Variants in TJP2 observed in about 807,000 individuals in gnomAD.
TJP2 encodes the protein Friedreich ataxia region gene X104 (tight junction protein ZO-2).
Under a neutral mutation model 133.1 loss-of-function variants are expected in TJP2, and 91 were observed. The observed-to-expected ratio is 0.68, with a 90% CI of 0.58 to 0.81. The LOEUF is 0.81. TJP2 is among the 40% of genes least tolerant of loss of function. The pLI is 0.00. For missense variants in TJP2, 1,541 were observed against 1,565.6 expected (o/e 0.98, Z 0.26); for synonymous variants, 592 against 583.4 (o/e 1.01, Z -0.21).
chr9:69,214,879 AAC>A (rs1491068426), intron 2 of TJP2, among the ~76,000 whole-genome samples: 4 of 149,748 alleles, frequency 2.7e-5, no homozygotes, highest in South Asian at 2.1e-4. Flanking sequence ...AAAAAAAAAA[AAC>A]AAACAAATCC....
intron 1 of TJP2, among the ~76,000 whole-genome samples, chr9:69,150,355 G>GC (rs1823413562): frequency 6.8e-6 from 1 of 147,928 alleles, no homozygotes; most frequent in Non-Finnish European, 1.5e-5. Context: ...ATGCAGTGGT[G>GC]AGATCTCACC....
intron 1 of TJP2, among the ~76,000 whole-genome samples, chr9:69,124,164 G>A (rs1822251824): frequency 1.4e-5 from 1 of 73,804 alleles, no homozygotes; most frequent in African/African-American, 4.2e-5. Flanking sequence ...ACAGGCCTGA[G>A]CCACGGCGCC....
At chr9:69,171,920 T>G, upstream of TJP2, among the ~76,000 whole-genome samples, 1 of 149,396 alleles carries the variant, frequency 6.7e-6, no homozygotes, top group Middle Eastern at 3.3e-3. Flanking sequence ...CTCAGCCTCC[T>G]GAACAGCTGG....
chr9:69,219,446 A>G (rs1828642112), intron 4 of TJP2, among the ~76,000 whole-genome samples: 1 of 152,188 alleles, frequency 6.6e-6, no homozygotes, highest in African/African-American at 2.4e-5. Flanking sequence ...CATGCGAAGG[A>G]AAGTTACAGA....
intron 17 of TJP2, among the ~76,000 whole-genome samples, chr9:69,241,837 G>A (rs770328407): frequency 2.6e-5 from 4 of 152,114 alleles, no homozygotes; most frequent in Non-Finnish European, 5.9e-5. Context: ...GTCCCTAACT[G>A]TCCAATATTG....
Position 69,221,034 on chromosome 9 carries a change from C to G in TJP2, c.490C>G (p.His164Asp). 6.2e-6 allele frequency: 10 copies of G among 1,608,504 alleles called. No individual in the cohort carries two copies. The highest frequency in any genetic ancestry group is 7.6e-6 in the Non-Finnish European group (9 of 1,178,156). Reference sequence around the variant, plus strand: ...CAGCGAGAGGAGCCGGCTGAACAGCCATGGGGGGCGCAGCCGCAGCTGGGA... The same window carrying G: ...CAGCGAGAGGAGCCGGCTGAACAGCGATGGGGGGCGCAGCCGCAGCTGGGA... The part of the protein sequence containing the change: ...GYSERSRLNS[H>D]GGRSRSWEDS... The change falls in exon 5 of 23, where the codon CAT becomes GAT. Residue 164 changes from histidine to aspartate, a missense_variant. Coordinates refer to ENST00000377245, the MANE Select transcript of TJP2 (RefSeq NM_004817.4).
At chr9:69,137,047 G>A (rs1822762034) in intron 1 of TJP2, among the ~76,000 whole-genome samples, 1 of 152,182 alleles carries the variant, frequency 6.6e-6, no homozygotes, top group Non-Finnish European at 1.5e-5. Context: ...CTGCGTAGGA[G>A]CTGTGCGATC....
At chr9:69,123,191 T>G (rs1330570685) in intron 1 of TJP2, among the ~76,000 whole-genome samples, 1 of 152,094 alleles carries the variant, frequency 6.6e-6, no homozygotes, top group African/African-American at 2.4e-5. Context: ...TGAATCTTTG[T>G]TTTGCCCACC....
At chr9:69,140,150 AC>A (rs1304015005) in intron 1 of TJP2, among the ~76,000 whole-genome samples, 1 of 152,202 alleles carries the variant, frequency 6.6e-6, no homozygotes, top group Non-Finnish European at 1.5e-5. Flanking sequence ...GGAACACCAA[AC>A]CCAGTCTGGG....
At chr9:69,125,329 T>C (rs7037143) in intron 1 of TJP2, among the ~76,000 whole-genome samples, 32,323 of 48,134 alleles carry the variant, frequency 0.67, 14,917 homozygotes, top group East Asian at 1. Flanking sequence ...TTTTTTGAGA[T>C]AGAGTCTAAC....
chr9:69,192,017 C>T (rs1257374507), intron 1 of TJP2, among the ~76,000 whole-genome samples: 1 of 152,020 alleles, frequency 6.6e-6, no homozygotes, highest in East Asian at 1.9e-4. Flanking sequence ...GGATTACAGG[C>T]GTGAGCCACC....
At position 69,251,090 on chromosome 9, in the gene TJP2, A is replaced by G; in HGVS notation, c.3047A>G (p.Lys1016Arg). The G allele has an allele frequency of 1.2e-6, 2 of 1,614,250 alleles. No homozygotes were observed. The highest frequency in any genetic ancestry group is 8.5e-7 in the Non-Finnish European group (1 of 1,180,048). Residue 1016 changes from lysine (K) to arginine (R), a missense_variant, in exon 21 of 23, where the codon AAG (lysine) becomes AGG (arginine). Coordinates refer to ENST00000377245, the MANE Select transcript of TJP2 (RefSeq NM_004817.4). Reference sequence around the variant, plus strand: ...GACTTCTCCAAATCCTATGAATATAAGTCAAACCCCTCTGCCGTTGCTGGT... The same window carrying G: ...GACTTCTCCAAATCCTATGAATATAGGTCAAACCCCTCTGCCGTTGCTGGT... ...SYDFSKSYEY[K>R]SNPSAVAGNE...
rs778216116 is a variant in TJP2, at chr9:69,236,009, C to T, written c.1781-19C>T. 2.4e-5 allele frequency: 39 copies of T among 1,611,128 alleles called. No individual in the cohort carries two copies. Among genetic ancestry groups the T allele is most frequent in the Admixed American group, 1.8e-4 (11 of 59,978 alleles). On this transcript the variant is annotated intron_variant, in intron 12 of 22. Transcript: ENST00000377245. The stretch of plus-strand genomic sequence containing the variant: ...CTTGTACTAAGCTGAATGCAACAAA[C>T]GATGCTTTTGTCTTTCAGTGTATAG...
intron 1 of TJP2, among the ~76,000 whole-genome samples, chr9:69,204,436 G>A (rs1827238305): frequency 6.6e-6 from 1 of 152,200 alleles, no homozygotes; most frequent in Non-Finnish European, 1.5e-5. Flanking sequence ...TTTGCTAGAT[G>A]TTCAGAAACC....
intron 1 of TJP2, among the ~76,000 whole-genome samples, chr9:69,134,523 C>T (rs957995310): frequency 1.4e-4 from 22 of 152,056 alleles, no homozygotes; most frequent in Non-Finnish European, 2.8e-4. Context: ...AGCTAGGAGG[C>T]GGATAGTGAA....
intron 5 of TJP2, among the ~76,000 whole-genome samples, chr9:69,224,732 CA>C (rs1237617984): frequency 1.3e-5 from 2 of 152,152 alleles, no homozygotes; most frequent in African/African-American, 4.8e-5. Flanking sequence ...ATATAACCTT[CA>C]TCTAGTTTTA....
chr9:69,151,449 T>G (rs1448674702), intron 1 of TJP2, among the ~76,000 whole-genome samples: 2 of 131,314 alleles, frequency 1.5e-5, no homozygotes, highest in Non-Finnish European at 1.6e-5. Flanking sequence ...CATTGCACTC[T>G]AGCCTGGGCA....
chr9:69,143,547 G>A (rs184641974), intron 1 of TJP2, among the ~76,000 whole-genome samples: 20 of 152,212 alleles, frequency 1.3e-4, no homozygotes, highest in African/African-American at 4.8e-4. Context: ...AGAATTCCTG[G>A]GACTAACTGG....
intron 1 of TJP2, among the ~76,000 whole-genome samples, chr9:69,182,383 C>A (rs1257026621): frequency 6.6e-6 from 1 of 152,158 alleles, no homozygotes; most frequent in African/African-American, 2.4e-5. Flanking sequence ...AAAACAAGGG[C>A]AAGTGGCAAC....
Sources: allele counts gnomAD v4.1 joint callset (sites outside exome capture counted in the v4.1 genomes callset), GRCh38; gene constraint gnomAD v4.1.1; transcripts MANE v1.5; gene names NCBI Gene and HGNC (gene_info 2026-07-23, HGNC 2026-07-21).